MYO18A: variants seen among roughly 807,000 people sequenced by gnomAD.
The protein encoded by MYO18A is myosin XVIIIA, also known as unconventional myosin-XVIIIa.
In MYO18A, 78 loss-of-function variants were observed where a neutral mutation model predicts 235.8. The observed-to-expected ratio is 0.33, with a 90% CI of 0.28 to 0.40. MYO18A has a LOEUF of 0.40. MYO18A is among the 10% of genes least tolerant of loss of function. MYO18A has a pLI of 1.00. For synonymous variants in MYO18A, 977 were observed against 1,077.8 expected (o/e 0.91, Z 1.83); for missense variants, 2,215 against 2,699.3 (o/e 0.82, Z 3.98).
chr17:29,097,813 G>A lies in MYO18A; in HGVS notation c.4077C>T (p.Asn1359=), dbSNP rs554944735. Residue 1359 remains asparagine, a synonymous_variant, in exon 26 of 42, where the codon AAC becomes AAT. Coordinates refer to ENST00000527372, the MANE Select transcript of MYO18A (RefSeq NM_078471.4). The part of the protein sequence containing the change: ...EARLIRAAEI[N]GEVDDDDAGG... ...CTGCATCATCATCATCCACTTCCCC[G>A]TTGATCTCCGCTGCCCGGATGAGAC... 107 of 1,613,224 alleles carry A rather than the reference G, an allele frequency of 6.6e-5. No homozygotes were observed. The highest frequency in any genetic ancestry group is 1.1e-4 in the East Asian group (5 of 44,892).
Position 29,092,496 on chromosome 17 carries a change from C to T in MYO18A, c.5074-40G>A, listed in dbSNP as rs199997134. The T allele has an allele frequency of 3.3e-5, 50 of 1,534,994 alleles. No individual in the cohort carries two copies. In the African/African-American group the frequency reaches 5.4e-4, roughly 17 times the overall value. On this transcript the variant is annotated intron_variant, in intron 33 of 41. Coordinates refer to ENST00000527372, the MANE Select transcript of MYO18A (RefSeq NM_078471.4). Reference sequence around the variant, plus strand: ...CCCCCGCCCCAGGGAGAGATGTCAGCCATTCCTTGGGGGCAGGAGGGCTGT... The same window carrying T: ...CCCCCGCCCCAGGGAGAGATGTCAGTCATTCCTTGGGGGCAGGAGGGCTGT...
intron 2 of MYO18A, chr17:29,127,852 C>T: frequency 3.0e-6 from 3 of 988,562 alleles, no homozygotes; most frequent in Non-Finnish European, 3.6e-6. Flanking sequence ...ACTCTTGTAC[C>T]TCCTGCTTCA....
intron 2 of MYO18A, among the ~76,000 whole-genome samples, chr17:29,139,692 C>T (rs562001815): frequency 6.6e-6 from 1 of 152,282 alleles, no homozygotes; most frequent in Admixed American, 6.5e-5. Context: ...TTTTAAGGAA[C>T]TTACTTATCT....
intron 2 of MYO18A, among the ~76,000 whole-genome samples, chr17:29,154,180 C>T (rs1645083573): frequency 2.0e-5 from 3 of 152,180 alleles, no homozygotes; most frequent in Admixed American, 1.3e-4. Flanking sequence ...TGTCCTGCCA[C>T]AGAACCCAGT....
At chr17:29,090,659 C>T in intron 35 of MYO18A, 44 bp from the exon 36 acceptor site, 1 of 1,581,688 alleles carries the variant, frequency 6.3e-7, no homozygotes. Flanking sequence ...CCCCCATAAG[C>T]ATTCAACCAG....
intron 2 of MYO18A, among the ~76,000 whole-genome samples, chr17:29,129,822 G>T (rs946413757): frequency 6.6e-6 from 1 of 152,214 alleles, no homozygotes; most frequent in Non-Finnish European, 1.5e-5. Flanking sequence ...TTACAGGTTG[G>T]CTCCGCTGAA....
rs538162459 is a variant in MYO18A, at chr17:29,128,183, G to A, written c.1000-5930C>T. 54 of 1,151,150 alleles carry A rather than the reference G, an allele frequency of 4.7e-5. 1 individual carries two copies. In the East Asian group the frequency reaches 1.5e-3, roughly 32 times the overall value. The allele number at this position is 1,151,150 out of a possible 1,614,324, so 71.3% of individuals were successfully genotyped here. The stretch of plus-strand genomic sequence containing the variant: ...CTCCTTCTTCACTTCAGGCTTAGGC[G>A]GAGCAGGGGGAGGTGGGGGAGGGGG... On this transcript the variant is annotated intron_variant, in intron 2 of 41. Coordinates refer to ENST00000527372, the MANE Select transcript of MYO18A (RefSeq NM_078471.4).
chr17:29,100,310 G>A (rs576351964), intron 21 of MYO18A, among the ~76,000 whole-genome samples: 5 of 152,234 alleles, frequency 3.3e-5, no homozygotes, highest in Non-Finnish European at 7.3e-5. Context: ...GAATGGGAAG[G>A]GGGGTGGTGG....
intron 32 of MYO18A, 134 bp downstream of exon 32, chr17:29,093,189 G>A: frequency 1.9e-6 from 2 of 1,074,044 alleles, no homozygotes; most frequent in South Asian, 1.5e-5. Flanking sequence ...ATCCCACAAG[G>A]GATGACGATG....
In MYO18A at chr17:29,174,650, A is replaced by G. The variant is rs533047052; in HGVS notation, c.-82+5663T>C. Among the ~76,000 whole-genome samples the G allele has an allele frequency of 2.6e-5, 4 of 152,284 alleles. No homozygotes were observed. The South Asian group carries it at 8.3e-4, about 32-fold the overall frequency. On this transcript the variant is annotated intron_variant, in intron 1 of 41. Transcript: ENST00000527372. ...GCCAACATGGTGAAACCCCATCTCC[A>G]CTAAAAATACAAAACTTTGCCGGCG...
intron 2 of MYO18A, among the ~76,000 whole-genome samples, chr17:29,160,652 T>G (rs2068151866): frequency 6.6e-6 from 1 of 152,234 alleles, no homozygotes; most frequent in East Asian, 1.9e-4. Context: ...CAGGTCTTTC[T>G]GGCTCCAAAG....
Position 29,174,297 on chromosome 17 carries a change from G to A in MYO18A, c.-82+6016C>T, listed in dbSNP as rs551145418. 3.9e-5 allele frequency among the ~76,000 whole-genome samples: 6 copies of A among 152,216 alleles called. No homozygotes were observed. In the South Asian group the frequency reaches 8.3e-4, roughly 21 times the overall value. ...AAGGCGGGAGGACTGCTTGAGTCCAGGAGTTTGAGACCAGCCTAGACAACA... is the reference window on the plus strand; with the variant it reads ...AAGGCGGGAGGACTGCTTGAGTCCAAGAGTTTGAGACCAGCCTAGACAACA... On this transcript the variant is annotated intron_variant, in intron 1 of 41. Coordinates refer to ENST00000527372, the MANE Select transcript of MYO18A (RefSeq NM_078471.4).
chr17:29,090,046 T>C lies in MYO18A; in HGVS notation c.5441A>G (p.Lys1814Arg). ...AGCTTCCTGCCTGCTCACCAGGGAC[T>C]TGTCCACCATGGACTGCTCCAGGAA... ...VEFLEQSMVD[K>R]SLVSRQEAKI... The change falls in exon 37 of 42, where the codon AAG (lysine) becomes AGG (arginine). Residue 1814 changes from lysine to arginine, a missense_variant. By Grantham distance (26) the Lys-to-Arg change is conservative. Transcript: ENST00000527372. The C allele has an allele frequency of 6.2e-7, 1 of 1,613,922 alleles. No individual in the cohort carries two copies. The highest frequency in any genetic ancestry group is 1.1e-5 in the South Asian group (1 of 91,044).
chr17:29,082,750 A>G (rs758598532), intron 40 of MYO18A, among the ~76,000 whole-genome samples: 36 of 152,144 alleles, frequency 2.4e-4, no homozygotes, highest in Non-Finnish European at 3.1e-4. Flanking sequence ...CCATCCACTC[A>G]TCAATTTCAG....
intron 2 of MYO18A, among the ~76,000 whole-genome samples, chr17:29,154,101 AGTGTGTGTGT>A (rs61393170): frequency 5.3e-5 from 8 of 150,288 alleles, no homozygotes; most frequent in Non-Finnish European, 1.0e-4. Context: ...AATTCTGCAG[AGTGTGTGTGT>A]GTGTGTGTGT....
At position 29,118,356 on chromosome 17, in the gene MYO18A, C is replaced by T. The variant is rs1313138403; in HGVS notation, c.1893+21G>A. The T allele has an allele frequency of 6.3e-7, 1 of 1,597,534 alleles. No individual in the cohort carries two copies. The highest frequency in any genetic ancestry group is 8.6e-7 in the Non-Finnish European group (1 of 1,167,478). ...CCCCCAAGGCCCAGGGCTGGCAACC[C>T]AGACCCCACAGACCCCTCACCTTGG... On this transcript the variant is annotated intron_variant, in intron 9 of 41. Coordinates refer to ENST00000527372, the MANE Select transcript of MYO18A (RefSeq NM_078471.4). This position sits in a 1 kb window ranked among gnomAD's most constrained non-coding sequence, Gnocchi z 4.2.
chr17:29,147,266 C>T (rs1340943616), intron 2 of MYO18A, among the ~76,000 whole-genome samples: 4 of 152,254 alleles, frequency 2.6e-5, no homozygotes, highest in Middle Eastern at 3.4e-3. Context: ...CCTGTAATCC[C>T]GGCACTTTGG....
chr17:29,162,583 C>A (rs888070455), intron 2 of MYO18A, among the ~76,000 whole-genome samples: 1 of 152,222 alleles, frequency 6.6e-6, no homozygotes, highest in Admixed American at 6.5e-5. Flanking sequence ...AGGACTGGCC[C>A]CTGTGGTTGA....
intron 40 of MYO18A, among the ~76,000 whole-genome samples, chr17:29,084,449 C>T (rs1268955506): frequency 2.0e-5 from 3 of 152,162 alleles, no homozygotes; most frequent in African/African-American, 7.2e-5. Context: ...TGTTCTTTTC[C>T]TTAAATAATC....
Sources: allele counts gnomAD v4.1 joint callset (sites outside exome capture counted in the v4.1 genomes callset), GRCh38; gene constraint gnomAD v4.1.1; non-coding constraint Gnocchi (gnomAD v3.1); transcripts MANE v1.5; gene names NCBI Gene and HGNC (gene_info 2026-07-23, HGNC 2026-07-21).